The following PPHLN1 variants were observed in gnomAD, a reference collection of about 807,000 sequenced individuals.
PPHLN1 encodes periphilin 1.
A neutral mutation model predicts 51.3 loss-of-function variants in PPHLN1; 29 were observed. The ratio of observed to expected loss-of-function variants is 0.57; its 90% confidence interval spans 0.42 to 0.77. The LOEUF (loss-of-function observed/expected upper bound fraction) is 0.77. Ranked by LOEUF, PPHLN1 falls within the 30% of genes least tolerant of loss-of-function variation. The pLI is 0.00. For missense variants in PPHLN1, 436 were observed against 438.4 expected, an observed-to-expected ratio of 0.99 and a Z score of 0.05; for synonymous variants, 147 against 147.8, an observed-to-expected ratio of 0.99 and a Z score of 0.04.
chr12:42,352,108 A>C, intron 3 of PPHLN1, 59 bp downstream of exon 3: 1 of 1,330,038 alleles, frequency 7.5e-7, no homozygotes, highest in South Asian at 2.3e-5. Flanking sequence ...AATTAATGTA[A>C]TTTAAAAATT....
chr12:42,424,037 T>C (rs1043324712), intron 9 of PPHLN1, among the ~76,000 whole-genome samples: 1 of 152,180 alleles, frequency 6.6e-6, no homozygotes, highest in Non-Finnish European at 1.5e-5. Context: ...GAAGCACCTT[T>C]GATGGGTTTT....
chr12:42,417,434 C>T (rs1226470569), intron 9 of PPHLN1, among the ~76,000 whole-genome samples: 1 of 151,992 alleles, frequency 6.6e-6, no homozygotes, highest in Non-Finnish European at 1.5e-5. Context: ...GAGGGGGAGT[C>T]CTATCAGCAG....
In PPHLN1 at chr12:42,363,340, ATT is replaced by A. The variant is rs72020180; in HGVS notation, c.299+8125_299+8126del. On this transcript the variant is annotated intron_variant, in intron 4 of 9. Coordinates refer to ENST00000358314, the MANE Select transcript of PPHLN1 (RefSeq NM_201439.2). ...AATTAATTAATTAATTTAAAAAAAA[ATT>A]TTTTTTGTAGTTTGCCACCACTGGG... Among the ~76,000 whole-genome samples, 39 of 129,926 alleles carry A rather than the reference ATT, an allele frequency of 3.0e-4. No individual in the cohort carries two copies. The East Asian group carries it at 3.6e-3, about 12-fold the overall frequency. The allele number at this position is 129,926 out of a possible 152,430, so 85.2% of individuals were successfully genotyped here. A position where few individuals can be genotyped will look rare whatever the true frequency, so the allele number is the denominator to read the frequency against.
chr12:42,358,226 C>T (rs1467948818), intron 4 of PPHLN1, among the ~76,000 whole-genome samples: 1 of 152,032 alleles, frequency 6.6e-6, no homozygotes, highest in African/African-American at 2.4e-5. Flanking sequence ...CTCTTCCTGT[C>T]TCTTTTTTAT....
At chr12:42,414,305 G>A (rs756226315) in intron 9 of PPHLN1, among the ~76,000 whole-genome samples, 12 of 152,172 alleles carry the variant, frequency 7.9e-5, no homozygotes, top group Non-Finnish European at 8.8e-5. Flanking sequence ...AAAGTGCTGG[G>A]ATTACAGGTG....
intron 9 of PPHLN1, among the ~76,000 whole-genome samples, chr12:42,440,721 A>C (rs748396779): frequency 6.6e-6 from 1 of 152,200 alleles, no homozygotes; most frequent in Non-Finnish European, 1.5e-5. Context: ...GGGGTTACAG[A>C]CACGCGCCAC....
chr12:42,380,559 C>A (rs2076671446), intron 5 of PPHLN1, among the ~76,000 whole-genome samples: 2 of 152,046 alleles, frequency 1.3e-5, no homozygotes, highest in African/African-American at 4.8e-5. Context: ...AGACATACGT[C>A]TTAAGAGCAG....
intron 3 of PPHLN1, 80 bp downstream of exon 3, chr12:42,352,129 C>A: frequency 8.0e-7 from 1 of 1,253,726 alleles, no homozygotes; most frequent in Non-Finnish European, 1.0e-6. Flanking sequence ...TATGTGACGG[C>A]CGTGAAAGCA....
At chr12:42,419,324 C>G (rs1399150230) in intron 9 of PPHLN1, among the ~76,000 whole-genome samples, 2 of 150,902 alleles carry the variant, frequency 1.3e-5, no homozygotes, top group African/African-American at 4.9e-5. Context: ...TCACTGCAAC[C>G]TCTGCCTCCC....
intron 9 of PPHLN1, among the ~76,000 whole-genome samples, chr12:42,404,525 G>A (rs915074852): frequency 1.8e-5 from 2 of 109,992 alleles, no homozygotes; most frequent in African/African-American, 8.4e-5. Flanking sequence ...GCAAAACTCC[G>A]TCTCAACAAC....
intron 9 of PPHLN1, among the ~76,000 whole-genome samples, chr12:42,408,278 G>A (rs975336276): frequency 2.0e-5 from 3 of 152,014 alleles, no homozygotes; most frequent in Non-Finnish European, 4.4e-5. Flanking sequence ...GGCTGAGGGA[G>A]GAGGTGGATC....
chr12:42,329,866 G>A (rs772238099), intron 1 of PPHLN1: 1 of 152,152 alleles, frequency 6.6e-6, no homozygotes, highest in East Asian at 1.9e-4. Flanking sequence ...CAGAGACAAA[G>A]TATAGAGAAA....
downstream of PPHLN1, chr12:42,442,569 C>T (rs954354552): frequency 1.2e-5 from 19 of 1,595,868 alleles, no homozygotes; most frequent in Middle Eastern, 1.7e-4. Flanking sequence ...GCGCTAAAGC[C>T]GGCAGTCCCC....
intron 9 of PPHLN1, among the ~76,000 whole-genome samples, chr12:42,436,116 A>G (rs1371642428): frequency 1.3e-5 from 2 of 152,176 alleles, no homozygotes; most frequent in South Asian, 2.1e-4. Context: ...AATCCAGTCA[A>G]TATGTTTCTT....
At chr12:42,420,455 G>A (rs572882628) in intron 9 of PPHLN1, among the ~76,000 whole-genome samples, 1 of 151,820 alleles carries the variant, frequency 6.6e-6, no homozygotes, top group African/African-American at 2.4e-5. Context: ...CAGTGAAGCA[G>A]GGTATCTCTA....
At chr12:42,418,041 G>C (rs1356316140) in intron 9 of PPHLN1, among the ~76,000 whole-genome samples, 1 of 141,440 alleles carries the variant, frequency 7.1e-6, no homozygotes, top group Non-Finnish European at 1.5e-5. Flanking sequence ...CTGGGTTCAC[G>C]CCATTCTCCT....
chr12:42,337,337 C>T (rs538067827), intron 2 of PPHLN1, among the ~76,000 whole-genome samples: 5 of 150,382 alleles, frequency 3.3e-5, no homozygotes, highest in African/African-American at 9.8e-5. Flanking sequence ...AGTCTTGGCT[C>T]ATTCACTCTT....
chr12:42,363,158 A>T (rs2074888021), intron 4 of PPHLN1, among the ~76,000 whole-genome samples: 1 of 152,154 alleles, frequency 6.6e-6, no homozygotes, highest in Non-Finnish European at 1.5e-5. Context: ...GGATCCAGGA[A>T]ACAGTAACAG....
chr12:42,383,103 G>A (rs1301192246), intron 5 of PPHLN1, among the ~76,000 whole-genome samples: 1 of 152,182 alleles, frequency 6.6e-6, no homozygotes, highest in Non-Finnish European at 1.5e-5. Flanking sequence ...GCCTACCTAA[G>A]ACAATACTAA....
Sources: allele counts gnomAD v4.1 joint callset (sites outside exome capture counted in the v4.1 genomes callset), GRCh38; gene constraint gnomAD v4.1.1; transcripts MANE v1.5; gene names NCBI Gene and HGNC (gene_info 2026-07-23, HGNC 2026-07-21).